PTP4A2: variants seen among roughly 807,000 people sequenced by gnomAD.
PTP4A2 encodes protein tyrosine phosphatase 4A2.
In PTP4A2, 2 loss-of-function variants were observed where a neutral mutation model predicts 22.9. The observed-to-expected ratio is 0.09, with a 90% CI of 0.04 to 0.27. The LOEUF (loss-of-function observed/expected upper bound fraction) is 0.27. Among genes scored for constraint, PTP4A2 ranks in the 10% least tolerant of loss-of-function variants. PTP4A2 has a pLI of 1.00. For missense variants in PTP4A2, 103 were observed against 205.1 expected, an observed-to-expected ratio of 0.50 and a Z score of 3.04; for synonymous variants, 68 against 69.1, an observed-to-expected ratio of 0.98 and a Z score of 0.08.
At chr1:31,921,131 C>A (rs1473250344) in intron 1 of PTP4A2, among the ~76,000 whole-genome samples, 1 of 152,186 alleles carries the variant, frequency 6.6e-6, no homozygotes, top group Non-Finnish European at 1.5e-5. Context: ...ACATAACCAA[C>A]TTGTTACGTA....
rs1651541696 is a variant in PTP4A2 at position 31,911,687 on chromosome 1, A to G, written c.320+9T>C. ...TCAGACAAAAAGGGTAATAAAGGTA[A>G]GAGTTTACCTTCCCAATCCTGCAAC... On this transcript the variant is annotated intron_variant, in intron 4 of 5. Coordinates refer to ENST00000647444, the MANE Select transcript of PTP4A2 (RefSeq NM_080391.4). The G allele has an allele frequency of 1.9e-6, 3 of 1,566,376 alleles. No homozygotes were observed. In the South Asian group the frequency reaches 3.6e-5, roughly 19 times the overall value.
chr1:31,914,347 G>A (rs553492908), intron 3 of PTP4A2: 2 of 451,992 alleles, frequency 4.4e-6, no homozygotes, highest in Non-Finnish European at 8.9e-6. Context: ...GAACAGGCAT[G>A]AGCCACCACA....
At chr1:31,930,431 C>T (rs1166976475) in intron 1 of PTP4A2, among the ~76,000 whole-genome samples, 3 of 152,102 alleles carry the variant, frequency 2.0e-5, no homozygotes, top group Non-Finnish European at 4.4e-5. Flanking sequence ...ATGTATTGAG[C>T]GTATTTAAAG....
chr1:31,914,887 T>A (rs2124165351), intron 3 of PTP4A2, among the ~76,000 whole-genome samples: 1 of 152,312 alleles, frequency 6.6e-6, no homozygotes, highest in South Asian at 2.1e-4. Context: ...CTAATCATAC[T>A]AAAGCTCCTC....
rs1156587392 is a variant in PTP4A2 at position 31,907,151 on chromosome 1, G to A, written c.*1701C>T. ...TATCATCAGTGTGAGACAAGGTCCC[G>A]GTCTGTTCCTATTGGCCTAGCTGAC... On this transcript the variant is annotated 3_prime_UTR_variant, in exon 6 of 6. Transcript: ENST00000647444. The A allele has an allele frequency of 2.0e-5, 3 of 152,174 alleles. No homozygotes were observed. The highest frequency in any genetic ancestry group is 6.6e-5 in the Admixed American group (1 of 15,266). 9.4% of individuals were successfully genotyped at this position (152,174 alleles called of 1,614,324 possible).
rs1047526716 is a variant in PTP4A2, at chr1:31,938,172, A to G, written c.-779T>C. On this transcript the variant is annotated 5_prime_UTR_variant, in exon 1 of 6. Coordinates refer to ENST00000647444, the MANE Select transcript of PTP4A2 (RefSeq NM_080391.4). This position sits in a 1 kb window ranked among gnomAD's most constrained non-coding sequence, Gnocchi z 4.4. Reference sequence around the variant, plus strand: ...GCGGCGGCGGCGGCGGCGCGTCTCCACGAGTCCGTCTTGCTGCTGCTGCTG... The same window carrying G: ...GCGGCGGCGGCGGCGGCGCGTCTCCGCGAGTCCGTCTTGCTGCTGCTGCTG... 3.4e-5 allele frequency: 5 copies of G among 148,272 alleles called. No individual in the cohort carries two copies. The highest frequency in any genetic ancestry group is 1.2e-4 in the African/African-American group (5 of 40,300). 9.2% of individuals were successfully genotyped at this position (148,272 alleles called of 1,614,324 possible).
rs1651543802 is a variant in PTP4A2 at position 31,911,742 on chromosome 1, C to G, written c.274G>C (p.Glu92Gln). ...TGCACTGCAACACAGCAACCTGGCT[C>G]TTCACGAAATTTGGTTTTTAACAGG... Reference protein sequence around the residue: ...LNLLKTKFREEPGCCVAVHCV... With the variant: ...LNLLKTKFREQPGCCVAVHCV... Residue 92 changes from glutamate to glutamine, a missense_variant, in exon 4 of 6, where the codon GAG becomes CAG. By Grantham distance (29) the Glu-to-Gln change is conservative. Coordinates refer to ENST00000647444, the MANE Select transcript of PTP4A2 (RefSeq NM_080391.4). The G allele has an allele frequency of 6.2e-7, 1 of 1,607,284 alleles. No individual in the cohort carries two copies. The highest frequency in any genetic ancestry group is 8.5e-7 in the Non-Finnish European group (1 of 1,177,726).
Position 31,919,115 on chromosome 1 carries a change from G to GAAA in PTP4A2, c.-53_-51dup. The stretch of plus-strand genomic sequence containing the variant: ...TGCGTGTGAGTGTGATGGGGAAAGT[G>GAAA]AAAAAAAAAAATCAATAAATCTTGA... On this transcript the variant is annotated 5_prime_UTR_variant, in exon 2 of 6. Transcript: ENST00000647444. 1.4e-6 allele frequency: 1 copy of GAAA among 710,858 alleles called. No individual in the cohort carries two copies. The highest frequency in any genetic ancestry group is 2.3e-6 in the Non-Finnish European group (1 of 437,324). The allele number at this position is 710,858 out of a possible 1,614,324, so 44.0% of individuals were successfully genotyped here. A position where few individuals can be genotyped will look rare whatever the true frequency, so the allele number is the denominator to read the frequency against.
chr1:31,926,147 A>ATATATAT (rs1243088060), intron 1 of PTP4A2, among the ~76,000 whole-genome samples: 14 of 127,400 alleles, frequency 1.1e-4, no homozygotes, highest in African/African-American at 3.9e-4. Flanking sequence ...AAAAAAAAAA[A>ATATATAT]AAATATATAT....
At chr1:31,930,603 T>A (rs1187523880) in intron 1 of PTP4A2, among the ~76,000 whole-genome samples, 12 of 152,318 alleles carry the variant, frequency 7.9e-5, no homozygotes, top group Non-Finnish European at 2.9e-5. Context: ...GTTTCCCCTA[T>A]AACTGGGTAA....
At chr1:31,910,157 G>A in intron 4 of PTP4A2, 45 bp from the exon 5 acceptor site, 2 of 1,502,816 alleles carry the variant, frequency 1.3e-6, no homozygotes, top group Non-Finnish European at 1.8e-6. Flanking sequence ...GTCTTGGAGT[G>A]AAAGGATTTT....
intron 1 of PTP4A2, chr1:31,921,782 T>C (rs1652166910): frequency 6.6e-6 from 1 of 152,198 alleles, no homozygotes; most frequent in East Asian, 1.9e-4. Flanking sequence ...TATAGGTAAG[T>C]AGCTAGGCCT....
intron 1 of PTP4A2, among the ~76,000 whole-genome samples, chr1:31,927,538 AAG>A (rs1350335353): frequency 1.3e-5 from 2 of 152,192 alleles, no homozygotes; most frequent in African/African-American, 2.4e-5. Flanking sequence ...GAGAGAAAAA[AAG>A]AGTGATAACT....
intron 3 of PTP4A2, among the ~76,000 whole-genome samples, chr1:31,913,388 T>G (rs1651646915): frequency 6.6e-6 from 1 of 152,228 alleles, no homozygotes; most frequent in Non-Finnish European, 1.5e-5. Context: ...ATTTGTTTGT[T>G]TGTTTGTTTT....
At chr1:31,916,293 C>T (rs892109476) in intron 2 of PTP4A2, among the ~76,000 whole-genome samples, 7 of 136,434 alleles carry the variant, frequency 5.1e-5, no homozygotes, top group African/African-American at 8.4e-5. Context: ...TGCAGTGAGC[C>T]GAGATCGTGC....
intron 2 of PTP4A2, 103 bp downstream of exon 2, chr1:31,918,867 G>A (rs561507646): frequency 7.4e-6 from 5 of 672,710 alleles, no homozygotes; most frequent in Non-Finnish European, 1.3e-5. Context: ...AGGATTGGCA[G>A]GATGACTCCA....
Position 31,923,581 on chromosome 1 carries a change from G to A in PTP4A2, c.-593-3923C>T, listed in dbSNP as rs374432557. On this transcript the variant is annotated intron_variant, in intron 1 of 5. Transcript: ENST00000647444. ...GATCTCCTGACCTCGTGATCCGCCC[G>A]CCTCGGCCTCCCAAAGTGCTGGGAT... Among the ~76,000 whole-genome samples the A allele has an allele frequency of 2.2e-3, 336 of 150,704 alleles. 1 individual carries two copies. The South Asian group carries it at 0.024, about 11-fold the overall frequency.
At chr1:31,935,292 C>A (rs1388406942) in intron 1 of PTP4A2, among the ~76,000 whole-genome samples, 1 of 152,154 alleles carries the variant, frequency 6.6e-6, no homozygotes, top group Non-Finnish European at 1.5e-5. Flanking sequence ...CCCCGGGGCC[C>A]CAAGAGAGTT....
chr1:31,909,049 TAATTCCACACAGCTGA>T (rs1393790866), intron 5 of PTP4A2, 89 bp from the exon 6 acceptor site: 68 of 930,990 alleles, frequency 7.3e-5, no homozygotes, highest in Admixed American at 8.0e-5. Context: ...AAAGCCTTTC[TAATTCCACACAGCTGA>T]AAACCAGCAT....
Sources: gnomAD v4.1 joint callset for allele counts (sites outside exome capture counted in the v4.1 genomes callset) on GRCh38, gnomAD v4.1.1 for gene constraint, Gnocchi (gnomAD v3.1) non-coding constraint, MANE v1.5 for transcripts, NCBI Gene and HGNC (gene_info 2026-07-23, HGNC 2026-07-21) for gene names.